WDR97: variants seen among roughly 807,000 people sequenced by gnomAD.
WDR97 encodes WD repeat domain 97.
In WDR97, 111 loss-of-function variants were observed where a neutral mutation model predicts 65.4. That is an observed-to-expected ratio of 1.70 (90% CI 1.45 to 1.99). The LOEUF (loss-of-function observed/expected upper bound fraction) is 1.99. Ranked by LOEUF, WDR97 falls within the 30% of genes most tolerant of loss-of-function variation. The pLI is 0.00. For synonymous variants in WDR97, 802 were observed against 397.7 expected, an observed-to-expected ratio of 2.02 and a Z score of -12.10; for missense variants, 1,674 against 865.0, an observed-to-expected ratio of 1.94 and a Z score of -11.73.
At chr8:144,112,378 C>A in intron 14 of WDR97, 29 bp downstream of exon 14, 1 of 702,524 alleles carries the variant, frequency 1.4e-6, no homozygotes, top group Non-Finnish European at 2.6e-6. Context: ...TGGGGTACCA[C>A]CTACTGAGGG....
At position 144,112,260 on chromosome 8, in the gene WDR97, A is replaced by G. The variant is rs1836565966; in HGVS notation, c.2932A>G (p.Ile978Val). 1 of 702,602 alleles carries G rather than the reference A, an allele frequency of 1.4e-6. No homozygotes were observed. The highest frequency in any genetic ancestry group is 2.7e-5 in the East Asian group (1 of 37,292). 43.5% of individuals were successfully genotyped at this position (702,602 alleles called of 1,614,324 possible). Residue 978 changes from isoleucine (I) to valine (V), a missense_variant, in exon 14 of 24, where the codon ATC (isoleucine) becomes GTC (valine). Coordinates refer to ENST00000323662, the MANE Select transcript of WDR97 (RefSeq NM_001316309.2). ...CTCCTCACTGAGCCACTACCTGGGCATCAGTCTGGATCTGCAGCTGCAGTT... is the reference window on the plus strand; with the variant it reads ...CTCCTCACTGAGCCACTACCTGGGCGTCAGTCTGGATCTGCAGCTGCAGTT... Reference protein sequence around the residue: ...ARSSLSHYLGISLDLQLQLEQ... With the variant: ...ARSSLSHYLGVSLDLQLQLEQ...
Position 144,108,066 on chromosome 8 carries a change from T to C in WDR97, c.120T>C (p.Thr40=). Residue 40 remains threonine, a synonymous_variant, in exon 2 of 24, where the codon ACT becomes ACC. Coordinates refer to ENST00000323662, the MANE Select transcript of WDR97 (RefSeq NM_001316309.2). ...PGLLTEKNEL[T]FTEPSQVLPF... is the part of the protein sequence containing the mutation. ...TCCAGTTCCTGCCCGCAGAGTTGAC[T>C]TTCACGGAGCCGTCGCAGGTCCTGC... is the stretch of plus-strand genomic sequence containing the variant. The C allele has an allele frequency of 5.7e-6, 4 of 702,778 alleles. No homozygotes were observed. The highest frequency in any genetic ancestry group is 4.4e-5 in the South Asian group (3 of 67,602). The allele number at this position is 702,778 out of a possible 1,614,324, so 43.5% of individuals were successfully genotyped here.
At position 144,114,871 on chromosome 8, in the gene WDR97, G is replaced by A; in HGVS notation, c.4037G>A (p.Cys1346Tyr). 2 of 701,616 alleles carry A rather than the reference G, an allele frequency of 2.9e-6. No individual in the cohort carries two copies. Among genetic ancestry groups the A allele is most frequent in the East Asian group, 2.7e-5 (1 of 37,282 alleles). The allele number at this position is 701,616 out of a possible 1,614,324, so 43.5% of individuals were successfully genotyped here. Reference protein sequence around the residue: ...DLDSKAGLRTCCHQKLEDMIQ... With the variant: ...DLDSKAGLRTYCHQKLEDMIQ... ...GACTCCAAGGCCGGCCTGCGCACTT[G>A]CTGCCACCAGAAACTGGAGGACATG... is the stretch of plus-strand genomic sequence containing the variant. The change falls in exon 21 of 24, where the codon TGC becomes TAC. Residue 1346 changes from cysteine to tyrosine, a missense_variant. By Grantham distance (194) the Cys-to-Tyr change is radical. Coordinates refer to ENST00000323662, the MANE Select transcript of WDR97 (RefSeq NM_001316309.2).
In WDR97 at chr8:144,111,431, C is replaced by A. The variant is rs143098563; in HGVS notation, c.2432C>A (p.Ala811Asp). ...NLHGAASLSE[A>D]LSLIHRRRAT... The stretch of plus-strand genomic sequence containing the variant: ...GTGCCTGTCCCTGTTTGCAGCGAGG[C>A]CTTGTCTCTCATCCATCGTCGGAGG... Residue 811 changes from alanine to aspartate, a missense_variant, in exon 11 of 24, where the codon GCC becomes GAC. Coordinates refer to ENST00000323662, the MANE Select transcript of WDR97 (RefSeq NM_001316309.2). 354 of 702,786 alleles carry A rather than the reference C, an allele frequency of 5.0e-4. No homozygotes were observed. The African/African-American group carries it at 5.4e-3, about 11-fold the overall frequency. 43.5% of individuals were successfully genotyped at this position (702,786 alleles called of 1,614,324 possible).
intron 17 of WDR97, 40 bp downstream of exon 17, chr8:144,113,921 T>A (rs7836836): frequency 1.5e-6 from 1 of 685,092 alleles, no homozygotes; most frequent in South Asian, 1.5e-5. Context: ...CCACGGGAGG[T>A]GGGCTTACAC....
chr8:144,111,362 A>T, intron 10 of WDR97, 64 bp from the exon 11 acceptor site: 2 of 702,712 alleles, frequency 2.8e-6, no homozygotes, highest in Non-Finnish European at 5.2e-6. Flanking sequence ...TCCTTGTCCC[A>T]GCCTCTGCCC....
Position 144,113,972 on chromosome 8 carries a change from C to G in WDR97, c.3409-5C>G, listed in dbSNP as rs1045928864. 1 of 701,986 alleles carries G rather than the reference C, an allele frequency of 1.4e-6. No homozygotes were observed. Among genetic ancestry groups the G allele is most frequent in the African/African-American group, 1.7e-5 (1 of 57,254 alleles). 43.5% of individuals were successfully genotyped at this position (701,986 alleles called of 1,614,324 possible). A position where few individuals can be genotyped will look rare whatever the true frequency, so the allele number is the denominator to read the frequency against. On this transcript the variant is annotated splice_polypyrimidine_tract_variant and splice_region_variant and intron_variant, in intron 17 of 23. Transcript: ENST00000323662. ...TGGGACCTGCAGCCACTGCTGCTCCCCTAGAGTGCTGTGGACTGGACCCAG... is the reference window on the plus strand; with the variant it reads ...TGGGACCTGCAGCCACTGCTGCTCCGCTAGAGTGCTGTGGACTGGACCCAG...
At position 144,109,680 on chromosome 8, in the gene WDR97, C is replaced by T. The variant is rs748522841; in HGVS notation, c.1346C>T (p.Ala449Val). The T allele has an allele frequency of 4.6e-5, 31 of 668,472 alleles. No individual in the cohort carries two copies. The highest frequency in any genetic ancestry group is 4.5e-4 in the South Asian group (29 of 63,990). The allele number at this position is 668,472 out of a possible 1,614,324, so 41.4% of individuals were successfully genotyped here. The change falls in exon 5 of 24, where the codon GCG (alanine) becomes GTG (valine). Residue 449 changes from alanine (A) to valine (V), a missense_variant. By Grantham distance (64) the Ala-to-Val change is moderately conservative (BLOSUM62 0). Transcript: ENST00000323662. ...HQSLPTRLVC[A>V]CADGSVYLLS... The stretch of plus-strand genomic sequence containing the variant: ...TCGCTGCCTACGCGCCTCGTGTGCG[C>T]GTGCGCCGACGGCTCGGTCTACCTC...
chr8:144,113,130 C>T, intron 15 of WDR97: 2 of 496,290 alleles, frequency 4.0e-6, no homozygotes, highest in Non-Finnish European at 7.1e-6. Context: ...ACTTTCTTGT[C>T]CCAGGGCTGG....
rs1253540974 is a variant in WDR97, at chr8:144,108,417, G to A, written c.351G>A (p.Pro117=). 4.3e-6 allele frequency: 3 copies of A among 699,448 alleles called. No homozygotes were observed. Among genetic ancestry groups the A allele is most frequent in the East Asian group, 2.7e-5 (1 of 37,186 alleles). The allele number at this position is 699,448 out of a possible 1,614,324, so 43.3% of individuals were successfully genotyped here. A position where few individuals can be genotyped will look rare whatever the true frequency, so the allele number is the denominator to read the frequency against. Residue 117 remains proline (P), a synonymous_variant, in exon 3 of 24, where the codon CCG becomes CCA. Transcript: ENST00000323662. ...GGCTGCGCTCGGTGGCGCAGGACCC[G>A]GTGGGTGGACGCTTCGTGGTGCTGG... ...AAGLRSVAQD[P]VGGRFVVLDG...
At chr8:144,109,020 A>T in intron 3 of WDR97, 29 bp from the exon 4 acceptor site, 3 of 703,114 alleles carry the variant, frequency 4.3e-6, no homozygotes, top group Non-Finnish European at 7.8e-6. Context: ...TGTTAAGTCC[A>T]TTGGGATTCT....
intron 21 of WDR97, 125 bp from the exon 22 acceptor site, chr8:144,115,216 G>A (rs1836626798): frequency 1.8e-6 from 1 of 567,382 alleles, no homozygotes; most frequent in South Asian, 2.3e-5. Context: ...TGCTCGAGGA[G>A]CCAGGGTGCT....
chr8:144,118,067 G>A lies in WDR97; in HGVS notation c.*1774G>A, dbSNP rs1177117040. 1.3e-5 allele frequency: 2 copies of A among 152,208 alleles called. No individual in the cohort carries two copies. The highest frequency in any genetic ancestry group is 4.8e-5 in the African/African-American group (2 of 41,446). 9.4% of individuals were successfully genotyped at this position (152,208 alleles called of 1,614,324 possible). ...CCCAACATTATAACAAGGGATATGGGAGTTATAAGCCAGGAACTGTGGATG... is the reference window on the plus strand; with the variant it reads ...CCCAACATTATAACAAGGGATATGGAAGTTATAAGCCAGGAACTGTGGATG... On this transcript the variant is annotated 3_prime_UTR_variant, in exon 24 of 24. Transcript: ENST00000323662.
At position 144,108,063 on chromosome 8, in the gene WDR97, G is replaced by A. The variant is rs1259383799; in HGVS notation, c.117G>A (p.Leu39=). Residue 39 remains leucine (L), a synonymous_variant, in exon 2 of 24, where the codon TTG becomes TTA. Coordinates refer to ENST00000323662, the MANE Select transcript of WDR97 (RefSeq NM_001316309.2). ...ACTTCCAGTTCCTGCCCGCAGAGTT[G>A]ACTTTCACGGAGCCGTCGCAGGTCC... ...DPGLLTEKNE[L]TFTEPSQVLP... is the part of the protein sequence containing the mutation. 5.7e-6 allele frequency: 4 copies of A among 702,772 alleles called. No homozygotes were observed. The East Asian group carries it at 8.0e-5, about 14-fold the overall frequency. 43.5% of individuals were successfully genotyped at this position (702,772 alleles called of 1,614,324 possible).
rs1222030695 is a variant in WDR97, at chr8:144,109,924, C to T, written c.1590C>T (p.Tyr530=). 2 of 702,000 alleles carry T rather than the reference C, an allele frequency of 2.8e-6. No homozygotes were observed. The highest frequency in any genetic ancestry group is 5.2e-6 in the Non-Finnish European group (2 of 384,678). The allele number at this position is 702,000 out of a possible 1,614,324, so 43.5% of individuals were successfully genotyped here. Residue 530 remains tyrosine (Y), a synonymous_variant, in exon 5 of 24, where the codon TAC becomes TAT. Transcript: ENST00000323662. ...CGCAGCCTTGCTGTCTGCACCTGTA[C>T]AGCCACCTCACGGATCTCGAAGGCG... The part of the protein sequence containing the change: ...PAPQPCCLHL[Y]SHLTDLEGAF...
intron 8 of WDR97, 35 bp from the exon 9 acceptor site, chr8:144,110,829 C>T (rs1341576440): frequency 7.1e-6 from 5 of 702,506 alleles, no homozygotes; most frequent in Non-Finnish European, 1.3e-5. Flanking sequence ...GGCCTTGTCC[C>T]TGCTGAGCCT....
rs547224886 is a variant in WDR97, at chr8:144,108,139, C to T, written c.193C>T (p.Arg65Cys). Residue 65 changes from arginine to cysteine, a missense_variant, in exon 2 of 24, where the codon CGC becomes TGC. Coordinates refer to ENST00000323662, the MANE Select transcript of WDR97 (RefSeq NM_001316309.2). ...GTGGCAAAGCCTGACCCCGCGCGCC[C>T]GCGCCCGCCGGCTGTGGCTGCTTCT... ...QQWQSLTPRA[R>C]ARRLWLLLRT... The T allele has an allele frequency of 8.7e-5, 61 of 702,474 alleles. No individual in the cohort carries two copies. Among genetic ancestry groups the T allele is most frequent in the South Asian group, 7.7e-4 (52 of 67,570 alleles). The allele number at this position is 702,474 out of a possible 1,614,324, so 43.5% of individuals were successfully genotyped here.
At position 144,108,835 on chromosome 8, in the gene WDR97, G is replaced by T. The variant is rs1012201245; in HGVS notation, c.769G>T (p.Val257Phe). 2.8e-6 allele frequency: 2 copies of T among 702,774 alleles called. No individual in the cohort carries two copies. The highest frequency in any genetic ancestry group is 5.2e-6 in the Non-Finnish European group (2 of 384,966). The allele number at this position is 702,774 out of a possible 1,614,324, so 43.5% of individuals were successfully genotyped here. ...GCTCATGCGTCTGGCTGTGGCGCCG[G>T]TTCCTCCCCACCACGTCCTGCGCTG... ...GRLMRLAVAP[V>F]PPHHVLRCFA... Residue 257 changes from valine to phenylalanine, a missense_variant, in exon 3 of 24, where the codon GTT (valine) becomes TTT (phenylalanine). Transcript: ENST00000323662.
chr8:144,115,150 CA>C (rs1836625715), intron 21 of WDR97, among the ~76,000 whole-genome samples, 190 bp from the exon 22 acceptor site: 1 of 152,254 alleles, frequency 6.6e-6, no homozygotes, highest in Non-Finnish European at 1.5e-5. Context: ...AGGGGAGTGG[CA>C]GCCCCTGCCT....
Sources: allele counts gnomAD v4.1 joint callset (sites outside exome capture counted in the v4.1 genomes callset), GRCh38; gene constraint gnomAD v4.1.1; transcripts MANE v1.5; gene names NCBI Gene and HGNC (gene_info 2026-07-23, HGNC 2026-07-21).